KIF26B: variants seen among roughly 807,000 people sequenced by gnomAD.
KIF26B encodes the protein kinesin family member 26B.
A neutral mutation model predicts 151.2 loss-of-function variants in KIF26B; 63 were observed. That is an observed-to-expected ratio of 0.42 (90% CI 0.34 to 0.51). The LOEUF (loss-of-function observed/expected upper bound fraction) is 0.51, where lower values mean the gene tolerates loss of function less well. Among genes scored for constraint, KIF26B ranks in the 20% least tolerant of loss-of-function variants. The pLI is 0.07. For missense variants in KIF26B, 2,813 were observed against 2,913.6 expected, an observed-to-expected ratio of 0.97 and a Z score of 0.79; for synonymous variants, 1,357 against 1,262.1, an observed-to-expected ratio of 1.08 and a Z score of -1.59.
At position 245,685,698 on chromosome 1, in the gene KIF26B, C is replaced by T. The variant is rs61744485; in HGVS notation, c.2715C>T (p.Pro905=). ...ALQKTRGDSR[P]AEAGEAAAGK... The stretch of plus-strand genomic sequence containing the variant: ...AGAAGACCCGGGGCGACAGCCGGCC[C>T]GCAGAGGCAGGAGAGGCTGCAGCCG... The change falls in exon 12 of 15, where the codon CCC becomes CCT. Residue 905 remains proline (P), a synonymous_variant. Transcript: ENST00000407071. The T allele has an allele frequency of 0.19, 301,473 of 1,612,474 alleles. 31,080 individuals are homozygous for T. The highest frequency in any genetic ancestry group is 0.21 in the Non-Finnish European group (252,945 of 1,179,534).
intron 10 of KIF26B, among the ~76,000 whole-genome samples, chr1:245,654,268 CA>C (rs2044050617): frequency 6.6e-6 from 1 of 151,810 alleles, no homozygotes; most frequent in African/African-American, 2.4e-5. Context: ...AGCTACTTAT[CA>C]GGGCTAAACA....
chr1:245,699,139 T>C, intron 14 of KIF26B, 102 bp downstream of exon 14: 1 of 1,265,288 alleles, frequency 7.9e-7, no homozygotes, highest in Non-Finnish European at 1.1e-6. Flanking sequence ...TGTGTCCTCG[T>C]CCTCAGTCAC....
At chr1:245,419,878 T>A in intron 4 of KIF26B, 133 bp downstream of exon 4, 1 of 868,508 alleles carries the variant, frequency 1.2e-6, no homozygotes, top group Non-Finnish European at 1.8e-6. Context: ...AGACAGAGTT[T>A]CTCAGCCATG....
At chr1:245,255,136 T>G (rs1275990597) in intron 2 of KIF26B, among the ~76,000 whole-genome samples, 1 of 152,186 alleles carries the variant, frequency 6.6e-6, no homozygotes, top group African/African-American at 2.4e-5. Context: ...TCTCTCTTGT[T>G]CATGTGATGC....
chr1:245,447,760 G>C (rs948826733), intron 4 of KIF26B, among the ~76,000 whole-genome samples: 2 of 152,086 alleles, frequency 1.3e-5, no homozygotes, highest in Non-Finnish European at 2.9e-5. Context: ...CCACGACCCA[G>C]AAGTTCCTAC....
At chr1:245,464,267 G>C (rs1659714950) in intron 4 of KIF26B, among the ~76,000 whole-genome samples, 1 of 152,230 alleles carries the variant, frequency 6.6e-6, no homozygotes, top group Non-Finnish European at 1.5e-5. Flanking sequence ...AGCAGTGAGG[G>C]GTGAGTCGAT....
At chr1:245,483,581 G>A (rs899853841) in intron 4 of KIF26B, among the ~76,000 whole-genome samples, 3 of 151,904 alleles carry the variant, frequency 2.0e-5, no homozygotes, top group Non-Finnish European at 4.4e-5. Flanking sequence ...AATTAATTTT[G>A]GGGGGACACA....
intron 2 of KIF26B, among the ~76,000 whole-genome samples, chr1:245,240,593 A>T (rs1670197912): frequency 6.6e-6 from 1 of 152,200 alleles, no homozygotes; most frequent in African/African-American, 2.4e-5. Context: ...TTCTAGGGAA[A>T]ATTTCAAAAA....
At chr1:245,479,221 A>G (rs1660109752) in intron 4 of KIF26B, among the ~76,000 whole-genome samples, 1 of 151,862 alleles carries the variant, frequency 6.6e-6, no homozygotes, top group Admixed American at 6.6e-5. Context: ...CATTTATTCA[A>G]AGGACAAAAC....
chr1:245,198,551 G>T (rs1341563370), intron 2 of KIF26B, among the ~76,000 whole-genome samples: 1 of 152,004 alleles, frequency 6.6e-6, no homozygotes, highest in South Asian at 2.1e-4. Flanking sequence ...GCAAAACCCC[G>T]TCTCTACTAA....
At chr1:245,176,262 G>A (rs936574766) in intron 2 of KIF26B, among the ~76,000 whole-genome samples, 2 of 150,834 alleles carry the variant, frequency 1.3e-5, no homozygotes, top group Non-Finnish European at 2.9e-5. Flanking sequence ...GCCTCCCAAA[G>A]TGCTGGGATT....
Position 245,360,497 on chromosome 1 carries a change from A to G in KIF26B, c.466-6337A>G, listed in dbSNP as rs74718683. Reference sequence around the variant, plus strand: ...CTGTGCTAAAAATGTTGCACATATTATCACATTTAATTCTTACTTAACTCA... The same window carrying G: ...CTGTGCTAAAAATGTTGCACATATTGTCACATTTAATTCTTACTTAACTCA... On this transcript the variant is annotated intron_variant, in intron 2 of 14. Coordinates refer to ENST00000407071, the MANE Select transcript of KIF26B (RefSeq NM_018012.4). Among the ~76,000 whole-genome samples the G allele has an allele frequency of 9.1e-3, 1,393 of 152,334 alleles. 21 individuals carry two copies. The highest frequency in any genetic ancestry group is 0.04 in the East Asian group (208 of 5,192).
intron 2 of KIF26B, among the ~76,000 whole-genome samples, chr1:245,211,949 C>G (rs7546198): frequency 0.22 from 33,846 of 152,104 alleles, 4,067 homozygotes; most frequent in East Asian, 0.5. Context: ...GACTGCTCCT[C>G]AGCGGGGGCC....
At chr1:245,449,443 A>G (rs777659080) in intron 4 of KIF26B, among the ~76,000 whole-genome samples, 9 of 152,090 alleles carry the variant, frequency 5.9e-5, no homozygotes, top group Non-Finnish European at 1.2e-4. Flanking sequence ...TGAATTGTCT[A>G]GTAATCACTT....
intron 1 of KIF26B, among the ~76,000 whole-genome samples, chr1:245,156,035 G>T (rs770370523): frequency 2.0e-5 from 3 of 152,174 alleles, no homozygotes; most frequent in Non-Finnish European, 4.4e-5. Context: ...CCCCGAGCGA[G>T]TCCCCTTCCT....
At chr1:245,449,564 C>G (rs1461273686) in intron 4 of KIF26B, among the ~76,000 whole-genome samples, 1 of 152,236 alleles carries the variant, frequency 6.6e-6, no homozygotes, top group Non-Finnish European at 1.5e-5. Flanking sequence ...CTGACGTGTG[C>G]GTTTCCACTT....
chr1:245,517,219 C>T (rs1365183282), intron 4 of KIF26B, among the ~76,000 whole-genome samples: 1 of 152,008 alleles, frequency 6.6e-6, no homozygotes, highest in Admixed American at 6.6e-5. Flanking sequence ...ATTAGCCGGG[C>T]GTGGTGACAC....
rs147429637 is a variant in KIF26B, at chr1:245,465,617, A to G, written c.1166+45872A>G. Among the ~76,000 whole-genome samples, 488 of 152,310 alleles carry G rather than the reference A, an allele frequency of 3.2e-3. 1 individual carries two copies. The highest frequency in any genetic ancestry group is 0.017 in the Middle Eastern group (5 of 294). ...TAGATATTCACAGCTCTCTAGAGTCACCAACTCCTCGAATATCCCTGGGGT... is the reference window on the plus strand; with the variant it reads ...TAGATATTCACAGCTCTCTAGAGTCGCCAACTCCTCGAATATCCCTGGGGT... On this transcript the variant is annotated intron_variant, in intron 4 of 14. Coordinates refer to ENST00000407071, the MANE Select transcript of KIF26B (RefSeq NM_018012.4).
chr1:245,545,515 T>C (rs923483127), intron 5 of KIF26B, among the ~76,000 whole-genome samples: 2 of 152,154 alleles, frequency 1.3e-5, no homozygotes, highest in African/African-American at 4.8e-5. Context: ...ACTTATAACT[T>C]AGTGCTTTAT....
Sources: allele counts gnomAD v4.1 joint callset (sites outside exome capture counted in the v4.1 genomes callset), GRCh38; gene constraint gnomAD v4.1.1; transcripts MANE v1.5; gene names NCBI Gene and HGNC (gene_info 2026-07-23, HGNC 2026-07-21).